GNAQ: variants seen among roughly 807,000 people sequenced by gnomAD.
The protein encoded by GNAQ is guanine nucleotide-binding protein G(q) subunit alpha.
In GNAQ, 8 loss-of-function variants were observed where a neutral mutation model predicts 43.9. That is an observed-to-expected ratio of 0.18 (90% CI 0.11 to 0.33). GNAQ has a LOEUF of 0.33. GNAQ is among the 10% of genes least tolerant of loss of function. The probability of loss-of-function intolerance (pLI) is 1.00; values close to 1 mark genes in which losing one functional copy is unlikely to be tolerated. For missense variants in GNAQ, 158 were observed against 450.8 expected (o/e 0.35, Z 5.88); for synonymous variants, 155 against 170.7 (o/e 0.91, Z 0.71).
chr9:77,721,279 A>G lies in GNAQ; in HGVS notation c.*44T>C, dbSNP rs190993985. On this transcript the variant is annotated 3_prime_UTR_variant, in exon 7 of 7. Transcript: ENST00000286548. Reference sequence around the variant, plus strand: ...ATACAGTCCCTCTTGTGTATCTTCAATAGCCCACCAGGGAAGGGCAGGGCG... The same window carrying G: ...ATACAGTCCCTCTTGTGTATCTTCAGTAGCCCACCAGGGAAGGGCAGGGCG... 6.9e-4 allele frequency: 873 copies of G among 1,270,386 alleles called. No homozygotes were observed. Among genetic ancestry groups the G allele is most frequent in the Middle Eastern group, 6.4e-3 (26 of 4,042 alleles). The allele number at this position is 1,270,386 out of a possible 1,614,324, so 78.7% of individuals were successfully genotyped here. A position where few individuals can be genotyped will look rare whatever the true frequency, so the allele number is the denominator to read the frequency against.
intron 2 of GNAQ, among the ~76,000 whole-genome samples, chr9:77,858,919 C>T (rs764425639): frequency 6.6e-5 from 10 of 152,094 alleles, no homozygotes; most frequent in Non-Finnish European, 1.2e-4. Context: ...TCACTCCTTC[C>T]GTTGGTGCCT....
chr9:77,805,383 A>G (rs548863932), intron 3 of GNAQ, among the ~76,000 whole-genome samples: 1 of 152,026 alleles, frequency 6.6e-6, no homozygotes, highest in Admixed American at 6.5e-5. Context: ...ATTAACAGGC[A>G]TTTTGTTCAT....
intron 1 of GNAQ, among the ~76,000 whole-genome samples, chr9:78,007,450 A>G (rs1823721352): frequency 6.6e-6 from 1 of 152,190 alleles, no homozygotes; most frequent in Admixed American, 6.5e-5. Flanking sequence ...GAAAAAAAAA[A>G]AATCGAACAG....
intron 1 of GNAQ, among the ~76,000 whole-genome samples, chr9:77,938,534 G>A (rs1829266615): frequency 6.6e-6 from 1 of 152,208 alleles, no homozygotes; most frequent in Non-Finnish European, 1.5e-5. Flanking sequence ...GGAGGTAAGT[G>A]CCTGAAATTG....
chr9:77,972,907 C>T (rs966012092), intron 1 of GNAQ, among the ~76,000 whole-genome samples: 4 of 146,512 alleles, frequency 2.7e-5, no homozygotes, highest in Middle Eastern at 3.3e-3. Context: ...GAGCCGAGAT[C>T]GTACCATTGT....
chr9:77,871,455 C>G (rs1266366513), intron 2 of GNAQ, among the ~76,000 whole-genome samples: 1 of 152,158 alleles, frequency 6.6e-6, no homozygotes, highest in Non-Finnish European at 1.5e-5. Context: ...TTAAATTACT[C>G]CTTGCTTCTC....
chr9:77,835,809 A>T (rs935502087), intron 2 of GNAQ, among the ~76,000 whole-genome samples: 1 of 152,204 alleles, frequency 6.6e-6, no homozygotes, highest in Non-Finnish European at 1.5e-5. Context: ...ATCTCATAAC[A>T]ATACAACAAT....
intron 5 of GNAQ, among the ~76,000 whole-genome samples, chr9:77,763,141 C>CAAAAAAAAAAAAAAAA (rs34812363): frequency 1.5e-5 from 1 of 64,838 alleles, no homozygotes; most frequent in African/African-American, 3.5e-5. Context: ...AACAAACAAA[C>CAAAAAAAAAAAAAAAA]AAAAAAAAAA....
rs1823530446 is a variant in GNAQ, at chr9:77,993,226, C to T, written c.136+37874G>A. On this transcript the variant is annotated intron_variant, in intron 1 of 6. Coordinates refer to ENST00000286548, the MANE Select transcript of GNAQ (RefSeq NM_002072.5). ...GCCTTCTCTCTAATGGAGAAATATG[C>T]TTTGGTATTCAATTTTTTAATTAGC... 2.0e-5 allele frequency among the ~76,000 whole-genome samples: 3 copies of T among 152,046 alleles called. No homozygotes were observed. In the South Asian group the frequency reaches 6.2e-4, roughly 32 times the overall value.
At chr9:77,866,945 A>G (rs1827960556) in intron 2 of GNAQ, among the ~76,000 whole-genome samples, 1 of 152,246 alleles carries the variant, frequency 6.6e-6, no homozygotes, top group African/African-American at 2.4e-5. Flanking sequence ...TGAGAATTAA[A>G]AAGATGTTTC....
chr9:77,996,826 C>A (rs934572769), intron 1 of GNAQ, among the ~76,000 whole-genome samples: 2 of 152,138 alleles, frequency 1.3e-5, no homozygotes, highest in African/African-American at 4.8e-5. Flanking sequence ...AGGCTGAAGT[C>A]TACACTGTTC....
intron 2 of GNAQ, among the ~76,000 whole-genome samples, chr9:77,840,414 G>A (rs1300170677): frequency 6.7e-6 from 1 of 148,562 alleles, no homozygotes; most frequent in African/African-American, 2.5e-5. Flanking sequence ...TTGGCTCACT[G>A]TAACCTCTGT....
chr9:77,811,695 A>G (rs1173385352), intron 3 of GNAQ, among the ~76,000 whole-genome samples: 1 of 152,214 alleles, frequency 6.6e-6, no homozygotes, highest in East Asian at 1.9e-4. Flanking sequence ...AGGAAAATGT[A>G]AAGTGCTCAC....
intron 2 of GNAQ, among the ~76,000 whole-genome samples, chr9:77,879,084 A>T (rs1828171578): frequency 6.6e-6 from 1 of 152,048 alleles, no homozygotes; most frequent in Non-Finnish European, 1.5e-5. Context: ...ACCAAAAAAT[A>T]AAAAAATAAG....
At chr9:78,010,784 C>T (rs1363007765) in intron 1 of GNAQ, among the ~76,000 whole-genome samples, 1 of 152,088 alleles carries the variant, frequency 6.6e-6, no homozygotes, top group Non-Finnish European at 1.5e-5. Context: ...TGAGTCTACA[C>T]ACAGCTCTTC....
intron 3 of GNAQ, among the ~76,000 whole-genome samples, chr9:77,812,105 T>G (rs560190844): frequency 1.4e-4 from 22 of 152,278 alleles, no homozygotes; most frequent in Middle Eastern, 3.4e-3. Flanking sequence ...GCTGAAGAGA[T>G]AAAATCTTCT....
chr9:77,853,756 T>A (rs1003135364), intron 2 of GNAQ, among the ~76,000 whole-genome samples: 1 of 136,974 alleles, frequency 7.3e-6, no homozygotes, highest in Non-Finnish European at 1.5e-5. Flanking sequence ...CAATTTAGGA[T>A]CTTTGTGAAA....
chr9:77,857,019 T>C (rs975923319), intron 2 of GNAQ, among the ~76,000 whole-genome samples: 1 of 152,200 alleles, frequency 6.6e-6, no homozygotes, highest in Non-Finnish European at 1.5e-5. Context: ...GCCCTCCTCT[T>C]CCTCAAGGAA....
At chr9:77,848,535 G>C (rs956685522) in intron 2 of GNAQ, among the ~76,000 whole-genome samples, 7 of 152,198 alleles carry the variant, frequency 4.6e-5, no homozygotes, top group Non-Finnish European at 8.8e-5. Context: ...ACAGATTCCT[G>C]GCCAACAGCA....
Sources: allele counts gnomAD v4.1 joint callset (sites outside exome capture counted in the v4.1 genomes callset), GRCh38; gene constraint gnomAD v4.1.1; transcripts MANE v1.5; gene names NCBI Gene and HGNC (gene_info 2026-07-23, HGNC 2026-07-21).